The following NOVA1 variants were observed in gnomAD, a reference collection of about 807,000 sequenced individuals.
NOVA1 encodes the protein NOVA alternative splicing regulator 1.
In NOVA1, 7 loss-of-function variants were observed where a neutral mutation model predicts 38.0. The observed-to-expected ratio is 0.18, with a 90% confidence interval of 0.10 to 0.35. The LOEUF (loss-of-function observed/expected upper bound fraction) is 0.35, where lower values mean the gene tolerates loss of function less well. NOVA1 is among the 10% of genes least tolerant of loss of function. The probability of loss-of-function intolerance (pLI) is 1.00; values close to 1 mark genes in which losing one functional copy is unlikely to be tolerated. For missense variants in NOVA1, 460 were observed against 616.0 expected (o/e 0.75, Z 2.68); for synonymous variants, 270 against 232.5 (o/e 1.16, Z -1.47).
intron 4 of NOVA1, among the ~76,000 whole-genome samples, chr14:26,471,386 GA>G (rs1438683436): frequency 6.6e-6 from 1 of 151,328 alleles, no homozygotes; most frequent in Non-Finnish European, 1.5e-5. Context: ...TCAACTATAT[GA>G]AAAATATATT....
chr14:26,504,458 C>A (rs918568573), intron 2 of NOVA1, among the ~76,000 whole-genome samples: 3 of 152,072 alleles, frequency 2.0e-5, no homozygotes, highest in Non-Finnish European at 4.4e-5. Context: ...TTATCTCTTC[C>A]CTTTTTGTCT....
rs1016636829 is a variant in NOVA1 at position 26,530,045 on chromosome 14, G to A, written c.281-49902C>T. ...CGCCATTCTCCTGCCTCAGCCTCCC[G>A]AGTAGCTGGGACTACAAGCACCCGC... On this transcript the variant is annotated intron_variant, in intron 2 of 4. Transcript: ENST00000539517. Among the ~76,000 whole-genome samples the A allele has an allele frequency of 2.6e-5, 4 of 151,918 alleles. No individual in the cohort carries two copies. In the East Asian group the frequency reaches 7.7e-4, roughly 29 times the overall value.
chr14:26,539,051 C>T (rs1157170209), intron 2 of NOVA1, among the ~76,000 whole-genome samples: 1 of 152,044 alleles, frequency 6.6e-6, no homozygotes, highest in African/African-American at 2.4e-5. Flanking sequence ...AAATATACCC[C>T]CAAGATATTT....
chr14:26,447,670 C>A lies in NOVA1; in HGVS notation c.*289G>T. 1 of 417,774 alleles carries A rather than the reference C, an allele frequency of 2.4e-6. No individual in the cohort carries two copies. Among genetic ancestry groups the A allele is most frequent in the Non-Finnish European group, 4.3e-6 (1 of 231,102 alleles). 25.9% of individuals were successfully genotyped at this position (417,774 alleles called of 1,614,324 possible). A position where few individuals can be genotyped will look rare whatever the true frequency, so the allele number is the denominator to read the frequency against. ...TCCCTGTCTACATTCAATCATTAAA[C>A]TACAATAATGCTGGTAAAATGGCAG... On this transcript the variant is annotated 3_prime_UTR_variant, in exon 5 of 5. Transcript: ENST00000539517.
At position 26,480,017 on chromosome 14, in the gene NOVA1, A is replaced by T. The variant is rs1885325867; in HGVS notation, c.407T>A (p.Leu136Gln). Reference protein sequence around the residue: ...NVAKTEPVSILQPQTTVNPDR... With the variant: ...NVAKTEPVSIQQPQTTVNPDR... ...TGGATTAACGGTGGTCTGGGGTTGT[A>T]GAATGCTGACTGGTTCTGTCTTGGC... Residue 136 changes from leucine (L) to glutamine (Q), a missense_variant, in exon 3 of 5, where the codon CTA (leucine) becomes CAA (glutamine). By Grantham distance (113) the Leu-to-Gln change is moderately radical. Coordinates refer to ENST00000539517, the MANE Select transcript of NOVA1 (RefSeq NM_002515.3). 4 of 1,614,068 alleles carry T rather than the reference A, an allele frequency of 2.5e-6. No homozygotes were observed. In the South Asian group the frequency reaches 3.3e-5, roughly 13 times the overall value.
At chr14:26,529,622 A>G (rs1192175510) in intron 2 of NOVA1, among the ~76,000 whole-genome samples, 2 of 152,204 alleles carry the variant, frequency 1.3e-5, no homozygotes, top group Non-Finnish European at 2.9e-5. Context: ...CCTCTGGAAA[A>G]TGAGAGAATG....
intron 4 of NOVA1, among the ~76,000 whole-genome samples, chr14:26,462,143 G>A (rs1052268267): frequency 3.0e-4 from 46 of 151,674 alleles, no homozygotes; most frequent in African/African-American, 1.1e-3. Context: ...ATACAATAAC[G>A]TCCCAGGCCT....
chr14:26,507,734 T>C (rs900785592), intron 2 of NOVA1, among the ~76,000 whole-genome samples: 1 of 152,120 alleles, frequency 6.6e-6, no homozygotes, highest in Non-Finnish European at 1.5e-5. Context: ...ACTATAGCCA[T>C]GTGTTCATCA....
At chr14:26,493,851 CT>C (rs2138367787) in intron 2 of NOVA1, among the ~76,000 whole-genome samples, 1 of 152,310 alleles carries the variant, frequency 6.6e-6, no homozygotes, top group South Asian at 2.1e-4. Flanking sequence ...TGAGCCAACT[CT>C]TCCCCTAACC....
chr14:26,593,366 A>G (rs1011248193), intron 2 of NOVA1: 1 of 151,858 alleles, frequency 6.6e-6, no homozygotes, highest in African/African-American at 2.4e-5. Context: ...GTCTATCTGA[A>G]GCAAAGAGAT....
chr14:26,493,087 T>A (rs1886478634), intron 2 of NOVA1, among the ~76,000 whole-genome samples: 1 of 152,226 alleles, frequency 6.6e-6, no homozygotes, highest in Non-Finnish European at 1.5e-5. Context: ...AAATTATTTT[T>A]GTATGCCCTG....
rs1239571046 is a variant in NOVA1 at position 26,597,493 on chromosome 14, T to C, written c.-57A>G. 3.2e-6 allele frequency: 4 copies of C among 1,242,162 alleles called. No individual in the cohort carries two copies. The highest frequency in any genetic ancestry group is 4.1e-6 in the Non-Finnish European group (4 of 986,680). The allele number at this position is 1,242,162 out of a possible 1,614,324, so 76.9% of individuals were successfully genotyped here. On this transcript the variant is annotated 5_prime_UTR_variant, in exon 1 of 5. Transcript: ENST00000539517. ...AGGTTCTCCCTTTTGTTTTGGCTTT[T>C]TCTTTTCTTTTTTCTTTTTTTTTTT...
chr14:26,567,238 T>C (rs1467045653), intron 2 of NOVA1, among the ~76,000 whole-genome samples: 1 of 151,652 alleles, frequency 6.6e-6, no homozygotes, highest in African/African-American at 2.4e-5. Context: ...TTCAGAAAAA[T>C]TTATAGTTTC....
intron 2 of NOVA1, among the ~76,000 whole-genome samples, chr14:26,482,398 T>C (rs1217019377): frequency 6.6e-6 from 1 of 152,046 alleles, no homozygotes; most frequent in Non-Finnish European, 1.5e-5. Flanking sequence ...TATGGCCTTT[T>C]CACTCAGAAA....
intron 4 of NOVA1, among the ~76,000 whole-genome samples, chr14:26,456,058 A>G (rs538999137): frequency 6.6e-6 from 1 of 152,132 alleles, no homozygotes; most frequent in South Asian, 2.1e-4. Flanking sequence ...TTTTTAGCCC[A>G]GCTCTTTCAG....
chr14:26,474,725 A>C (rs1884842814), intron 3 of NOVA1, among the ~76,000 whole-genome samples: 1 of 151,980 alleles, frequency 6.6e-6, no homozygotes, highest in South Asian at 2.1e-4. Context: ...ATATTTAATA[A>C]ACAAGTAAAA....
At chr14:26,572,965 T>A (rs1892584709) in intron 2 of NOVA1, among the ~76,000 whole-genome samples, 1 of 151,970 alleles carries the variant, frequency 6.6e-6, no homozygotes, top group Non-Finnish European at 1.5e-5. Context: ...AAACAAAAGA[T>A]CAAAACAGTT....
chr14:26,589,045 T>C (rs1299167680), intron 2 of NOVA1, among the ~76,000 whole-genome samples: 1 of 151,588 alleles, frequency 6.6e-6, no homozygotes, highest in African/African-American at 2.4e-5. Context: ...TACTCTTTGG[T>C]AAATAATAAA....
At chr14:26,539,866 A>C (rs1027474080) in intron 2 of NOVA1, among the ~76,000 whole-genome samples, 2 of 134,966 alleles carry the variant, frequency 1.5e-5, no homozygotes, top group Admixed American at 7.2e-5. Context: ...AATAAGAGGC[A>C]AAGGAAAAAA....
Sources: gnomAD v4.1 joint callset for allele counts (sites outside exome capture counted in the v4.1 genomes callset) on GRCh38, gnomAD v4.1.1 for gene constraint, MANE v1.5 for transcripts, NCBI Gene and HGNC (gene_info 2026-07-23, HGNC 2026-07-21) for gene names.